Variants in ZNF106 observed in about 807,000 individuals in gnomAD.
ZNF106 encodes the protein SH3-domain binding protein 3.
Under a neutral mutation model 195.1 loss-of-function variants are expected in ZNF106, and 67 were observed. The ratio of observed to expected loss-of-function variants is 0.34; its 90% CI spans 0.28 to 0.42. The LOEUF (loss-of-function observed/expected upper bound fraction) is 0.42. Among genes scored for constraint, ZNF106 ranks in the 10% least tolerant of loss-of-function variants. ZNF106 has a pLI of 1.00. For missense variants in ZNF106, 2,118 were observed against 2,304.5 expected (o/e 0.92, Z 1.66); for synonymous variants, 784 against 818.6 (o/e 0.96, Z 0.72).
At chr15:42,469,480 C>T (rs8040501) in intron 2 of ZNF106, among the ~76,000 whole-genome samples, 4,514 of 152,038 alleles carry the variant, frequency 0.03, 248 homozygotes, top group African/African-American at 0.1. Context: ...CATGCAAAAC[C>T]TTCTCCCATC....
rs762785579 is a variant in ZNF106, at chr15:42,450,730, G to C, written c.1542C>G (p.Asn514Lys). The change falls in exon 5 of 22, where the codon AAC becomes AAG. Residue 514 changes from asparagine (N) to lysine (K), a missense_variant. Physicochemically the swap from Asn to Lys is moderately conservative, Grantham distance 94. Transcript: ENST00000564754. ...FSPGEHSNPSNKPTVEDNHGP... is the reference protein window; with the variant it reads ...FSPGEHSNPSKKPTVEDNHGP... ...CATGGTTATCTTCCACAGTGGGCTT[G>C]TTCGAGGGATTTGAGTGTTCTCCAG... 6.2e-7 allele frequency: 1 copy of C among 1,614,186 alleles called. No individual in the cohort carries two copies. Among genetic ancestry groups the C allele is most frequent in the South Asian group, 1.1e-5 (1 of 91,086 alleles).
Position 42,451,523 on chromosome 15 carries a change from G to C in ZNF106, c.749C>G (p.Ser250Cys). 2 of 1,614,136 alleles carry C rather than the reference G, an allele frequency of 1.2e-6. No individual in the cohort carries two copies. Among genetic ancestry groups the C allele is most frequent in the African/African-American group, 2.7e-5 (2 of 75,030 alleles). ...HMNNSNGNWK[S>C]SVRSTNNWNY... is the part of the protein sequence containing the mutation. Reference sequence around the variant, plus strand: ...CCAATTATTTGTACTACGTACACTGGATTTCCAGTTTCCGTTACTGTTGTT... The same window carrying C: ...CCAATTATTTGTACTACGTACACTGCATTTCCAGTTTCCGTTACTGTTGTT... Residue 250 changes from serine (S) to cysteine (C), a missense_variant, in exon 5 of 22, where the codon TCC becomes TGC. Physicochemically the swap from Ser to Cys is moderately radical, Grantham distance 112. Transcript: ENST00000564754.
intron 20 of ZNF106, among the ~76,000 whole-genome samples, chr15:42,420,588 C>T (rs77045301): frequency 0.021 from 3,108 of 150,550 alleles, 111 homozygotes; most frequent in African/African-American, 0.071. Flanking sequence ...TTAGAACTGA[C>T]GAAAAAAAAA....
intron 4 of ZNF106, among the ~76,000 whole-genome samples, chr15:42,456,430 C>T (rs1448763309): frequency 6.6e-6 from 1 of 152,062 alleles, no homozygotes; most frequent in Non-Finnish European, 1.5e-5. Flanking sequence ...GGGCAGATTG[C>T]TTGAGGTCAG....
chr15:42,449,705 A>G, intron 5 of ZNF106, 66 bp downstream of exon 5: 1 of 1,522,884 alleles, frequency 6.6e-7, no homozygotes, highest in South Asian at 1.3e-5. Context: ...AATTCTCTTG[A>G]TCAGGGTCAA....
In ZNF106 at chr15:42,443,702, C is replaced by A. The variant is rs150037805; in HGVS notation, c.3421+500G>T. On this transcript the variant is annotated intron_variant, in intron 9 of 21. Transcript: ENST00000564754. ...CCATGATCGTGCCACTGCGCTCCAGCCTGAGTGACAGAGCAAGACCCTGTC... is the reference window on the plus strand; with the variant it reads ...CCATGATCGTGCCACTGCGCTCCAGACTGAGTGACAGAGCAAGACCCTGTC... Among the ~76,000 whole-genome samples, 291 of 151,786 alleles carry A rather than the reference C, an allele frequency of 1.9e-3. 2 individuals carry two copies. The highest frequency in any genetic ancestry group is 6.8e-3 in the African/African-American group (281 of 41,358).
Position 42,417,264 on chromosome 15 carries a change from A to T in ZNF106, c.*40T>A, listed in dbSNP as rs758589941. On this transcript the variant is annotated 3_prime_UTR_variant, in exon 22 of 22. Transcript: ENST00000564754. ...CTGTGTGGGGGGCCAATGTGAAAAT[A>T]GTTCAACTAATGACTTCCCAACGTG... 1 of 1,611,158 alleles carries T rather than the reference A, an allele frequency of 6.2e-7. No individual in the cohort carries two copies. The highest frequency in any genetic ancestry group is 8.5e-7 in the Non-Finnish European group (1 of 1,177,420).
chr15:42,489,869 C>T (rs1009719102), intron 1 of ZNF106, among the ~76,000 whole-genome samples: 1 of 150,928 alleles, frequency 6.6e-6, no homozygotes, highest in Non-Finnish European at 1.5e-5. Flanking sequence ...GACCTCGTCT[C>T]TACTAAAAAT....
intron 1 of ZNF106, among the ~76,000 whole-genome samples, chr15:42,487,277 TTCAA>T (rs1366428561): frequency 6.6e-6 from 1 of 151,230 alleles, no homozygotes; most frequent in Non-Finnish European, 1.5e-5. Flanking sequence ...AGGCCAGGAG[TTCAA>T]CACCATTCTG....
At position 42,417,707 on chromosome 15, in the gene ZNF106, C is replaced by T. The variant is rs2054507955; in HGVS notation, c.5664+98G>A. 10 of 1,372,414 alleles carry T rather than the reference C, an allele frequency of 7.3e-6. No homozygotes were observed. In the South Asian group the frequency reaches 1.6e-4, roughly 22 times the overall value. 85.0% of individuals were successfully genotyped at this position (1,372,414 alleles called of 1,614,324 possible). A position where few individuals can be genotyped will look rare whatever the true frequency, so the allele number is the denominator to read the frequency against. On this transcript the variant is annotated intron_variant, in intron 21 of 21. Transcript: ENST00000564754. Reference sequence around the variant, plus strand: ...TAAAAATAAAAAACCCTAGGCCCTCCCTATATATGGCAATTCTCAATAATA... The same window carrying T: ...TAAAAATAAAAAACCCTAGGCCCTCTCTATATATGGCAATTCTCAATAATA...
chr15:42,431,305 G>GA (rs140829948), intron 14 of ZNF106, among the ~76,000 whole-genome samples: 1 of 150,734 alleles, frequency 6.6e-6, no homozygotes. Context: ...GCACATTCTT[G>GA]AAAAAAATGT....
At chr15:42,466,145 A>G (rs953198853) in intron 2 of ZNF106, 31 bp from the exon 3 acceptor site, 77 of 1,505,980 alleles carry the variant, frequency 5.1e-5, no homozygotes, top group Non-Finnish European at 6.7e-5. Context: ...GATTAAAACT[A>G]AGCAGGATTG....
At position 42,421,958 on chromosome 15, in the gene ZNF106, G is replaced by A; in HGVS notation, c.5404C>T (p.His1802Tyr). The A allele has an allele frequency of 6.3e-7, 1 of 1,581,462 alleles. No individual in the cohort carries two copies. The change falls in exon 19 of 22, where the codon CAC becomes TAC. Residue 1802 changes from histidine (H) to tyrosine (Y), a missense_variant. By Grantham distance (83) the His-to-Tyr change is moderately conservative (BLOSUM62 2). Coordinates refer to ENST00000564754, the MANE Select transcript of ZNF106 (RefSeq NM_001366845.3). ...SHDRLQVYGG[H>Y]KDMIMCMTIH... is the part of the protein sequence containing the mutation. The stretch of plus-strand genomic sequence containing the variant: ...GTCATACACATAATCATGTCTTTGT[G>A]TCCTCCATAAACTTGTAATCGATCA...
At position 42,440,983 on chromosome 15, in the gene ZNF106, T is replaced by TA. The variant is rs35854257; in HGVS notation, c.3763+1089dup. On this transcript the variant is annotated intron_variant, in intron 10 of 21. Transcript: ENST00000564754. Reference sequence around the variant, plus strand: ...GGGCAACAAAAAGCGAAACTCTGTCTAAAAAAAAAAAAAAAATATATATAT... The same window carrying TA: ...GGGCAACAAAAAGCGAAACTCTGTCTAAAAAAAAAAAAAAAAATATATATAT... Among the ~76,000 whole-genome samples, 135 of 19,804 alleles carry TA rather than the reference T, an allele frequency of 6.8e-3. 9 individuals carry two copies. The highest frequency in any genetic ancestry group is 0.025 in the Middle Eastern group (1 of 40). 13.0% of individuals were successfully genotyped at this position (19,804 alleles called of 152,430 possible).
At chr15:42,422,034 C>T (rs146503985) in intron 18 of ZNF106, 46 bp from the exon 19 acceptor site, 9 of 1,519,948 alleles carry the variant, frequency 5.9e-6, no homozygotes, top group South Asian at 3.7e-5. Flanking sequence ...TTATACCTTG[C>T]GTTTAATAAG....
chr15:42,452,077 GT>G, intron 4 of ZNF106, 123 bp from the exon 5 acceptor site: 1 of 1,022,524 alleles, frequency 9.8e-7, no homozygotes, highest in Non-Finnish European at 1.4e-6. Flanking sequence ...ACCGAGTCTG[GT>G]TTTATATCTA....
chr15:42,478,317 C>T (rs1478051671), intron 1 of ZNF106, among the ~76,000 whole-genome samples: 1 of 151,908 alleles, frequency 6.6e-6, no homozygotes, highest in Non-Finnish European at 1.5e-5. Context: ...GCACCCGCCA[C>T]CATGCCCCGC....
chr15:42,454,414 T>A lies in ZNF106; in HGVS notation c.318-2460A>T, dbSNP rs564140809. 6.6e-5 allele frequency among the ~76,000 whole-genome samples: 10 copies of A among 152,272 alleles called. No homozygotes were observed. The East Asian group carries it at 1.9e-3, about 29-fold the overall frequency. On this transcript the variant is annotated intron_variant, in intron 4 of 21. Transcript: ENST00000564754. ...GACCACTGACTCAGCTATACTGATA[T>A]GATCAGAAATGGGAGAACTGGGGGA... is the stretch of plus-strand genomic sequence containing the variant.
intron 4 of ZNF106, among the ~76,000 whole-genome samples, chr15:42,452,204 C>T (rs982370372): frequency 6.6e-6 from 1 of 151,954 alleles, no homozygotes; most frequent in Non-Finnish European, 1.5e-5. Flanking sequence ...CAACCATCTC[C>T]CCCATCACTC....
Sources: allele counts gnomAD v4.1 joint callset (sites outside exome capture counted in the v4.1 genomes callset), GRCh38; gene constraint gnomAD v4.1.1; transcripts MANE v1.5; gene names NCBI Gene and HGNC (gene_info 2026-07-23, HGNC 2026-07-21).